The following TRPM3 variants were observed in gnomAD, a reference collection of about 807,000 sequenced individuals.
The protein encoded by TRPM3 is long transient receptor potential channel 3.
In TRPM3, 77 loss-of-function variants were observed where a neutral mutation model predicts 181.2. The ratio of observed to expected loss-of-function variants is 0.42; its 90% CI spans 0.35 to 0.51. TRPM3 has a LOEUF of 0.51. TRPM3 is among the 20% of genes least tolerant of loss of function. The pLI is 0.01. For missense variants in TRPM3, 1,759 were observed against 2,196.7 expected, an observed-to-expected ratio of 0.80 and a Z score of 3.98; for synonymous variants, 745 against 796.4, an observed-to-expected ratio of 0.94 and a Z score of 1.09.
intron 22 of TRPM3, among the ~76,000 whole-genome samples, chr9:70,586,872 G>A (rs1564445126): frequency 6.6e-6 from 1 of 152,134 alleles, no homozygotes; most frequent in Non-Finnish European, 1.5e-5. Flanking sequence ...TGGGAAGTGA[G>A]GAACAATTAA....
chr9:71,411,282 A>G (rs2093544403), intron 1 of TRPM3, among the ~76,000 whole-genome samples: 1 of 152,148 alleles, frequency 6.6e-6, no homozygotes, highest in African/African-American at 2.4e-5. Flanking sequence ...GAAATAAAGG[A>G]TATTCAATTA....
intron 1 of TRPM3, among the ~76,000 whole-genome samples, chr9:71,444,151 C>T (rs1051696707): frequency 6.8e-6 from 1 of 146,976 alleles, no homozygotes; most frequent in Non-Finnish European, 1.5e-5. Flanking sequence ...TGCACTCCAG[C>T]CTGGCGACAG....
chr9:70,877,611 T>C (rs928566624), intron 1 of TRPM3, among the ~76,000 whole-genome samples: 2 of 151,952 alleles, frequency 1.3e-5, no homozygotes, highest in African/African-American at 4.8e-5. Flanking sequence ...GGATGTAAGG[T>C]AATTATAAAC....
chr9:71,180,941 G>A (rs566838756), intron 1 of TRPM3, among the ~76,000 whole-genome samples: 29 of 152,152 alleles, frequency 1.9e-4, no homozygotes, highest in Admixed American at 1.6e-3. Context: ...CCTTTTAGTC[G>A]TAGGAGAAGT....
chr9:71,176,511 TCAAA>T (rs911752541), intron 1 of TRPM3, among the ~76,000 whole-genome samples: 7 of 152,122 alleles, frequency 4.6e-5, no homozygotes, highest in Non-Finnish European at 8.8e-5. Flanking sequence ...AGTCAGGAAG[TCAAA>T]CAATTTAAAA....
intron 1 of TRPM3, among the ~76,000 whole-genome samples, chr9:71,113,912 C>G (rs1015099683): frequency 2.0e-5 from 3 of 152,104 alleles, no homozygotes; most frequent in African/African-American, 7.2e-5. Flanking sequence ...TTTGTGAAAT[C>G]CAAGTTTGCA....
At chr9:70,977,128 T>C (rs3124647) in intron 1 of TRPM3, among the ~76,000 whole-genome samples, 108,361 of 151,676 alleles carry the variant, frequency 0.71, 38,686 homozygotes, top group South Asian at 0.74. Context: ...GTCTGAACTG[T>C]TTTTATTTAT....
At chr9:71,021,067 G>T (rs572871070) in intron 1 of TRPM3, among the ~76,000 whole-genome samples, 1 of 152,258 alleles carries the variant, frequency 6.6e-6, no homozygotes, top group African/African-American at 2.4e-5. Flanking sequence ...AATTACTGCT[G>T]AATGCAACTA....
At chr9:71,199,438 A>G (rs1405991200) in intron 1 of TRPM3, among the ~76,000 whole-genome samples, 4 of 152,202 alleles carry the variant, frequency 2.6e-5, no homozygotes, top group African/African-American at 4.8e-5. Flanking sequence ...GAATAGTTTC[A>G]GAAGGAATGG....
intron 1 of TRPM3, among the ~76,000 whole-genome samples, chr9:70,956,894 A>G (rs984772989): frequency 2.0e-5 from 3 of 151,422 alleles, no homozygotes; most frequent in African/African-American, 7.3e-5. Flanking sequence ...TCCCCTGCCA[A>G]AAAAAAAATT....
intron 1 of TRPM3, among the ~76,000 whole-genome samples, chr9:70,937,921 G>A (rs762322380): frequency 6.6e-6 from 1 of 152,174 alleles, no homozygotes; most frequent in Non-Finnish European, 1.5e-5. Context: ...AATTCTGAAT[G>A]TTGACCACTT....
At chr9:70,779,719 T>C (rs1432872756) in intron 7 of TRPM3, among the ~76,000 whole-genome samples, 1 of 152,210 alleles carries the variant, frequency 6.6e-6, no homozygotes, top group Non-Finnish European at 1.5e-5. Context: ...TTGGGTAGCA[T>C]GAATCTCTTT....
chr9:70,831,662 T>C (rs895390532), intron 5 of TRPM3, among the ~76,000 whole-genome samples: 5 of 151,658 alleles, frequency 3.3e-5, no homozygotes, highest in Non-Finnish European at 7.4e-5. Context: ...GAAACCTGAG[T>C]TGAGAAAGGC....
At chr9:70,780,451 A>T (rs1181311295) in intron 7 of TRPM3, among the ~76,000 whole-genome samples, 1 of 152,116 alleles carries the variant, frequency 6.6e-6, no homozygotes, top group Non-Finnish European at 1.5e-5. Flanking sequence ...ATTTATTTGT[A>T]GTGAAACATT....
intron 1 of TRPM3, among the ~76,000 whole-genome samples, chr9:71,136,684 G>A (rs547901641): frequency 3.3e-5 from 5 of 152,250 alleles, no homozygotes; most frequent in African/African-American, 1.2e-4. Flanking sequence ...CAAAGAATGC[G>A]AAGAGGGCAC....
intron 1 of TRPM3, among the ~76,000 whole-genome samples, chr9:71,174,883 A>C (rs527746031): frequency 1.3e-5 from 2 of 152,218 alleles, no homozygotes; most frequent in African/African-American, 4.8e-5. Flanking sequence ...ACTTGACCAA[A>C]AGCTATTTGG....
At chr9:70,642,087 C>T (rs1235263970) in intron 9 of TRPM3, among the ~76,000 whole-genome samples, 3 of 152,166 alleles carry the variant, frequency 2.0e-5, no homozygotes, top group Non-Finnish European at 4.4e-5. Flanking sequence ...GGATATCTCA[C>T]GATCGGGGAG....
At chr9:70,626,480 T>G (rs1367310624) in intron 12 of TRPM3, among the ~76,000 whole-genome samples, 1 of 152,236 alleles carries the variant, frequency 6.6e-6, no homozygotes, top group Non-Finnish European at 1.5e-5. Context: ...TTTCTGCCAC[T>G]TCACAGAAGA....
intron 1 of TRPM3, among the ~76,000 whole-genome samples, chr9:71,288,981 G>T (rs2085542827): frequency 6.6e-6 from 1 of 152,038 alleles, no homozygotes; most frequent in Non-Finnish European, 1.5e-5. Flanking sequence ...GTTGTGTTTT[G>T]GGAGAACACA....
Sources: allele counts gnomAD v4.1 joint callset (sites outside exome capture counted in the v4.1 genomes callset), GRCh38; gene constraint gnomAD v4.1.1; transcripts MANE v1.5; gene names NCBI Gene and HGNC (gene_info 2026-07-23, HGNC 2026-07-21).